ALDH1A2: variants seen among roughly 807,000 people sequenced by gnomAD.
The protein encoded by ALDH1A2 is retinal dehydrogenase 2.
A neutral mutation model predicts 60.3 loss-of-function variants in ALDH1A2; 27 were observed. The observed-to-expected ratio is 0.45, with a 90% CI of 0.33 to 0.62. ALDH1A2 has a LOEUF of 0.62. Ranked by LOEUF, ALDH1A2 falls within the 20% of genes least tolerant of loss-of-function variation. ALDH1A2 has a pLI of 0.02. For missense variants in ALDH1A2, 581 were observed against 643.8 expected (o/e 0.90, Z 1.06); for synonymous variants, 289 against 232.4 (o/e 1.24, Z -2.21).
chr15:57,963,951 G>A lies in ALDH1A2; in HGVS notation c.1020C>T (p.Ser340=), dbSNP rs114347273. The A allele has an allele frequency of 8.7e-5, 140 of 1,614,102 alleles. No homozygotes were observed. Among genetic ancestry groups the A allele is most frequent in the Admixed American group, 1.2e-4 (7 of 60,022 alleles). ...ESIYEEFVRR[S]VERAKRRVVG... ...CTACGCGCCTCTTGGCCCGCTCCAC[G>A]CTTCTTCTCACAAACTCCTCATAGA... Residue 340 remains serine (S), a synonymous_variant, in exon 9 of 13, where the codon AGC becomes AGT. Transcript: ENST00000249750.
At position 58,013,998 on chromosome 15, in the gene ALDH1A2, C is replaced by T. The variant is rs1385633545; in HGVS notation, c.223G>A (p.Ala75Thr). 1 of 1,614,044 alleles carries T rather than the reference C, an allele frequency of 6.2e-7. No individual in the cohort carries two copies. The highest frequency in any genetic ancestry group is 1.7e-5 in the Admixed American group (1 of 60,014). Residue 75 changes from alanine to threonine, a missense_variant and splice_region_variant, in exon 3 of 13, where the codon GCA (alanine) becomes ACA (threonine). Around this residue, in one of 2 missense-constraint regions of ALDH1A2, gnomAD observed 206 missense variants for 174.1 expected, o/e 1.18. Transcript: ENST00000249750. ...QVCEVQEADK[A>T]DIDKAVQAAR... The stretch of plus-strand genomic sequence containing the variant: ...GCCTGCACTGCTTTGTCTATATCTG[C>T]CTGTTAGAGAGGAAGAGGCACAACT...
intron 1 of ALDH1A2, among the ~76,000 whole-genome samples, chr15:58,049,292 T>G (rs1383073330): frequency 2.0e-5 from 3 of 152,104 alleles, no homozygotes; most frequent in Non-Finnish European, 2.9e-5. Context: ...TATTCCTACG[T>G]GTACAAAGAT....
At chr15:58,028,600 G>T (rs1896142376) in intron 1 of ALDH1A2, among the ~76,000 whole-genome samples, 1 of 152,144 alleles carries the variant, frequency 6.6e-6, no homozygotes, top group African/African-American at 2.4e-5. Flanking sequence ...AAAAGACACA[G>T]ACTGCTAAAT....
intron 1 of ALDH1A2, 157 bp from the exon 2 acceptor site, chr15:58,014,438 A>G (rs1161732009): frequency 7.1e-6 from 5 of 701,256 alleles, no homozygotes; most frequent in African/African-American, 1.7e-5. Context: ...CTCAACGCCA[A>G]TTTAGGAATT....
At chr15:57,973,312 C>A (rs775478952) in intron 7 of ALDH1A2, among the ~76,000 whole-genome samples, 2 of 152,194 alleles carry the variant, frequency 1.3e-5, no homozygotes, top group African/African-American at 2.4e-5. Flanking sequence ...TTAATCCCAT[C>A]TTTAATCTGA....
intron 1 of ALDH1A2, among the ~76,000 whole-genome samples, chr15:58,049,619 G>A (rs990030356): frequency 6.6e-6 from 1 of 152,024 alleles, no homozygotes; most frequent in Non-Finnish European, 1.5e-5. Flanking sequence ...ATAGGGTGGG[G>A]AAAGAGGTAA....
intron 1 of ALDH1A2, among the ~76,000 whole-genome samples, chr15:58,061,595 CAAAAAAAAAAAAAACAA>C (rs1159045730): frequency 6.9e-5 from 3 of 43,330 alleles, no homozygotes; most frequent in Non-Finnish European, 1.5e-4. Flanking sequence ...CTCCTTCCCT[CAAAAAAAAAAAAAACAA>C]AAAAAAAAAA....
intron 1 of ALDH1A2, among the ~76,000 whole-genome samples, chr15:58,025,451 G>C (rs952196191): frequency 6.6e-6 from 1 of 152,122 alleles, no homozygotes; most frequent in Non-Finnish European, 1.5e-5. Context: ...AAGCTACCAA[G>C]ATTGAATCAG....
chr15:58,025,638 G>A (rs748078066), intron 1 of ALDH1A2, among the ~76,000 whole-genome samples: 2 of 152,206 alleles, frequency 1.3e-5, no homozygotes, highest in Non-Finnish European at 2.9e-5. Context: ...CAGGAGGAAT[G>A]TGTTAGTCTG....
At chr15:58,010,883 T>C in intron 3 of ALDH1A2, 105 bp from the exon 4 acceptor site, 3 of 1,359,136 alleles carry the variant, frequency 2.2e-6, no homozygotes, top group South Asian at 2.4e-5. Flanking sequence ...CAAATGCATA[T>C]GGAGTTGCAT....
At chr15:58,046,520 G>A (rs540784058) in intron 1 of ALDH1A2, among the ~76,000 whole-genome samples, 2 of 152,090 alleles carry the variant, frequency 1.3e-5, no homozygotes, top group East Asian at 3.9e-4. Context: ...CCTAGAATGG[G>A]GGAGGTAGAG....
At chr15:58,039,705 TA>T (rs1448225891) in intron 1 of ALDH1A2, among the ~76,000 whole-genome samples, 1 of 151,760 alleles carries the variant, frequency 6.6e-6, no homozygotes, top group Non-Finnish European at 1.5e-5. Context: ...TATTGTCTTC[TA>T]AAAAGGTGAG....
At chr15:58,022,442 T>C (rs1895954349) in intron 1 of ALDH1A2, among the ~76,000 whole-genome samples, 1 of 152,116 alleles carries the variant, frequency 6.6e-6, no homozygotes, top group Non-Finnish European at 1.5e-5. Context: ...ATCATCCTAC[T>C]ACTGCTACTG....
At chr15:58,047,243 T>G (rs540498405) in intron 1 of ALDH1A2, among the ~76,000 whole-genome samples, 1 of 152,186 alleles carries the variant, frequency 6.6e-6, no homozygotes, top group South Asian at 2.1e-4. Flanking sequence ...ACGTTTTGTT[T>G]TTTTAATAGT....
At chr15:57,970,465 G>A (rs148116425) in intron 7 of ALDH1A2, among the ~76,000 whole-genome samples, 1 of 152,346 alleles carries the variant, frequency 6.6e-6, no homozygotes, top group African/African-American at 2.4e-5. Context: ...CCCTGGAAGA[G>A]CCACAGTGTA....
chr15:58,027,932 C>G (rs1007875614), intron 1 of ALDH1A2, among the ~76,000 whole-genome samples: 1 of 152,068 alleles, frequency 6.6e-6, no homozygotes, highest in Non-Finnish European at 1.5e-5. Context: ...ATTGGTGTAC[C>G]TGAAAGTGAC....
intron 1 of ALDH1A2, among the ~76,000 whole-genome samples, chr15:58,055,901 GGTCT>G (rs1566962640): frequency 9.2e-6 from 1 of 108,400 alleles, no homozygotes; most frequent in Non-Finnish European, 2.2e-5. Flanking sequence ...TCAAAAAAAA[GGTCT>G]TTTAGAAATT....
chr15:58,061,150 T>C (rs779041825), intron 1 of ALDH1A2, among the ~76,000 whole-genome samples: 1 of 152,066 alleles, frequency 6.6e-6, no homozygotes, highest in Non-Finnish European at 1.5e-5. Flanking sequence ...GCCCATGTAG[T>C]GGAAGGGATC....
intron 1 of ALDH1A2, 53 bp downstream of exon 1, chr15:58,065,481 G>T (rs1295125321): frequency 1.8e-5 from 27 of 1,460,054 alleles, no homozygotes; most frequent in Non-Finnish European, 2.5e-5. Context: ...CGGGGAAACC[G>T]AAGAAGGTTC....
Sources: allele counts gnomAD v4.1 joint callset (sites outside exome capture counted in the v4.1 genomes callset), GRCh38; gene constraint gnomAD v4.1.1; regional missense constraint gnomAD v4.1.1; transcripts MANE v1.5; gene names NCBI Gene and HGNC (gene_info 2026-07-23, HGNC 2026-07-21).